Variants in PTPRD observed in about 807,000 individuals in gnomAD.
PTPRD encodes the protein protein tyrosine phosphatase receptor type D, also known as receptor-type tyrosine-protein phosphatase delta.
Under a neutral mutation model 214.5 loss-of-function variants are expected in PTPRD, and 34 were observed. That is an observed-to-expected ratio of 0.16 (90% CI 0.12 to 0.21). PTPRD has a LOEUF of 0.21. Ranked by LOEUF, PTPRD falls within the 10% of genes least tolerant of loss-of-function variation. The probability of loss-of-function intolerance (pLI) is 1.00; values close to 1 mark genes in which losing one functional copy is unlikely to be tolerated. For synonymous variants in PTPRD, 1,128 were observed against 845.7 expected (o/e 1.33, Z -5.79); for missense variants, 2,545 against 2,398.7 (o/e 1.06, Z -1.27).
At chr9:9,319,263 C>A (rs999642419) in intron 9 of PTPRD, among the ~76,000 whole-genome samples, 1 of 152,120 alleles carries the variant, frequency 6.6e-6, no homozygotes, top group African/African-American at 2.4e-5. Context: ...GTATTACTTG[C>A]TAAATTCCAG....
intron 8 of PTPRD, among the ~76,000 whole-genome samples, chr9:9,552,481 T>G (rs1472625581): frequency 6.6e-6 from 1 of 152,100 alleles, no homozygotes; most frequent in Non-Finnish European, 1.5e-5. Context: ...ACTTCCTAAA[T>G]GTAGTTCTTT....
chr9:9,777,925 C>A, intron 5 of PTPRD, among the ~76,000 whole-genome samples: 1 of 152,020 alleles, frequency 6.6e-6, no homozygotes. Flanking sequence ...GTCTATAATG[C>A]CATCTGAATA....
chr9:8,924,740 A>G (rs2098856544), intron 11 of PTPRD, among the ~76,000 whole-genome samples: 1 of 151,874 alleles, frequency 6.6e-6, no homozygotes, highest in Non-Finnish European at 1.5e-5. Context: ...TACCCCCATC[A>G]ATTTCTGGCC....
chr9:10,147,996 C>G (rs2099035528), intron 3 of PTPRD, among the ~76,000 whole-genome samples: 1 of 152,110 alleles, frequency 6.6e-6, no homozygotes, highest in Non-Finnish European at 1.5e-5. Context: ...GGGCTTTGAT[C>G]CACGTTTTGT....
intron 2 of PTPRD, among the ~76,000 whole-genome samples, chr9:10,365,652 A>G (rs1189856296): frequency 2.0e-5 from 3 of 152,168 alleles, no homozygotes; most frequent in Non-Finnish European, 2.9e-5. Context: ...TTAGAACATA[A>G]GAGGAGCTCA....
chr9:10,578,954 G>A (rs1417585543), intron 2 of PTPRD, among the ~76,000 whole-genome samples: 1 of 151,870 alleles, frequency 6.6e-6, no homozygotes, highest in African/African-American at 2.4e-5. Flanking sequence ...TGTGCAGAAT[G>A]TGCAGGTTTG....
intron 33 of PTPRD, chr9:8,452,013 C>A (rs972110517): frequency 3.3e-6 from 1 of 305,168 alleles, no homozygotes; most frequent in South Asian, 2.9e-5. Context: ...TTCTCTGGTG[C>A]AAGGAAAGTT....
chr9:8,615,440 G>T (rs2095580079), intron 14 of PTPRD, among the ~76,000 whole-genome samples: 1 of 152,040 alleles, frequency 6.6e-6, no homozygotes, highest in African/African-American at 2.4e-5. Flanking sequence ...TCTAAATTAG[G>T]TCTATTTTAA....
intron 11 of PTPRD, among the ~76,000 whole-genome samples, chr9:8,952,223 T>G (rs1007926231): frequency 6.6e-6 from 1 of 151,934 alleles, no homozygotes; most frequent in African/African-American, 2.4e-5. Flanking sequence ...ATTACCAACC[T>G]CTAATAGATA....
In PTPRD at chr9:10,031,647, T is replaced by TATACACACACACACAC; in HGVS notation, c.-472+2070_-472+2071insGTGTGTGTGTGTGTAT. Among the ~76,000 whole-genome samples the TATACACACACACACAC allele has an allele frequency of 2.5e-4, 22 of 89,566 alleles. 2 individuals carry two copies. Among genetic ancestry groups the TATACACACACACACAC allele is most frequent in the African/African-American group, 8.9e-4 (11 of 12,368 alleles). The allele number at this position is 89,566 out of a possible 152,430, so 58.8% of individuals were successfully genotyped here. On this transcript the variant is annotated intron_variant, in intron 4 of 45. Coordinates refer to ENST00000381196, the MANE Select transcript of PTPRD (RefSeq NM_002839.4). ...CTCCATATATATATATATATATATA[T>TATACACACACACACAC]ACACACACACACACACACATACACA...
At chr9:10,591,349 G>A (rs979074139) in intron 2 of PTPRD, among the ~76,000 whole-genome samples, 2 of 152,064 alleles carry the variant, frequency 1.3e-5, no homozygotes, top group East Asian at 3.9e-4. Context: ...AAAGCACCAT[G>A]CCTGTACTAC....
chr9:10,427,649 A>T (rs1224099752), intron 2 of PTPRD, among the ~76,000 whole-genome samples: 1 of 152,096 alleles, frequency 6.6e-6, no homozygotes, highest in African/African-American at 2.4e-5. Flanking sequence ...CTGAGCGGAC[A>T]TGTAGTTTCT....
At chr9:10,177,914 A>C (rs1391242578) in intron 3 of PTPRD, among the ~76,000 whole-genome samples, 1 of 151,972 alleles carries the variant, frequency 6.6e-6, no homozygotes, top group East Asian at 1.9e-4. Flanking sequence ...CATCAAATAT[A>C]AGGTACCAGA....
chr9:10,289,752 T>C (rs1446042328), intron 3 of PTPRD, among the ~76,000 whole-genome samples: 1 of 152,172 alleles, frequency 6.6e-6, no homozygotes, highest in Non-Finnish European at 1.5e-5. Context: ...AACATGTATT[T>C]TAAAGTACTT....
chr9:9,470,769 TTCA>T (rs1279075975), intron 8 of PTPRD, among the ~76,000 whole-genome samples: 2 of 152,188 alleles, frequency 1.3e-5, no homozygotes, highest in Non-Finnish European at 2.9e-5. Flanking sequence ...AAGAGCCTCC[TTCA>T]TCATTTGTCT....
intron 12 of PTPRD, among the ~76,000 whole-genome samples, chr9:8,726,242 T>A (rs1234823797): frequency 1.3e-5 from 2 of 151,918 alleles, no homozygotes; most frequent in Non-Finnish European, 2.9e-5. Context: ...AAGAAACACA[T>A]CTACGTAGGC....
At chr9:8,691,414 GA>G (rs2097797530) in intron 12 of PTPRD, among the ~76,000 whole-genome samples, 3 of 148,520 alleles carry the variant, frequency 2.0e-5, no homozygotes, top group African/African-American at 7.5e-5. Flanking sequence ...AAAAAAAATA[GA>G]AGAGTGCTAT....
chr9:8,536,421 A>T (rs79585712), intron 14 of PTPRD, among the ~76,000 whole-genome samples: 4,533 of 151,984 alleles, frequency 0.03, 134 homozygotes, highest in African/African-American at 0.083. Context: ...ACACACACAT[A>T]TACACACACA....
chr9:10,082,570 GTGAAGTTATGTAGAAACTTCATA>G, intron 3 of PTPRD, among the ~76,000 whole-genome samples: 1 of 151,948 alleles, frequency 6.6e-6, no homozygotes, highest in Admixed American at 6.6e-5. Context: ...AGGCAGAGAG[GTGAAGTTATGTAGAAACTTCATA>G]TGCATCTCAA....
Sources: gnomAD v4.1 joint callset for allele counts (sites outside exome capture counted in the v4.1 genomes callset) on GRCh38, gnomAD v4.1.1 for gene constraint, MANE v1.5 for transcripts, NCBI Gene and HGNC (gene_info 2026-07-23, HGNC 2026-07-21) for gene names.